The following CCNI variants were observed in gnomAD, a reference collection of about 807,000 sequenced individuals.
CCNI encodes the protein cyclin I, also known as cyclin-I.
In CCNI, 14 loss-of-function variants were observed where a neutral mutation model predicts 34.1. The ratio of observed to expected loss-of-function variants is 0.41; its 90% CI spans 0.27 to 0.64. CCNI has a LOEUF of 0.64. Among genes scored for constraint, CCNI ranks in the 30% least tolerant of loss-of-function variants. The pLI, the probability that CCNI is intolerant of heterozygous loss-of-function variation, is 0.31. For synonymous variants in CCNI, 154 were observed against 158.4 expected, an observed-to-expected ratio of 0.97 and a Z score of 0.21; for missense variants, 385 against 440.5, an observed-to-expected ratio of 0.87 and a Z score of 1.13.
chr4:77,054,040 G>C (rs376818314), intron 6 of CCNI, among the ~76,000 whole-genome samples: 1 of 152,060 alleles, frequency 6.6e-6, no homozygotes, highest in Non-Finnish European at 1.5e-5. Flanking sequence ...TTTATGAAAA[G>C]ACTGAGCTCC....
In CCNI at chr4:77,048,475, T is replaced by C; in HGVS notation, c.878A>G (p.Asn293Ser). The change falls in exon 7 of 7, where the codon AAC (asparagine) becomes AGC (serine). Residue 293 changes from asparagine to serine, a missense_variant. Asn to Ser is a conservative substitution (Grantham distance 46). Around this residue, in one of 2 missense-constraint regions of CCNI, gnomAD observed 250 missense variants for 248.7 expected, o/e 1.01. Transcript: ENST00000237654. ...TCTGACTGGCACTTCTGGCTTGCTGTTGTCCTTGGAGAAGTCTGGGCCTGG... is the reference window on the plus strand; with the variant it reads ...TCTGACTGGCACTTCTGGCTTGCTGCTGTCCTTGGAGAAGTCTGGGCCTGG... The part of the protein sequence containing the change: ...SVPGPDFSKD[N>S]SKPEVPVRGT... 1 of 1,614,152 alleles carries C rather than the reference T, an allele frequency of 6.2e-7. No homozygotes were observed. Among genetic ancestry groups the C allele is most frequent in the Non-Finnish European group, 8.5e-7 (1 of 1,179,998 alleles).
intron 1 of CCNI, among the ~76,000 whole-genome samples, chr4:77,072,229 T>C (rs1729518126): frequency 6.6e-6 from 1 of 151,798 alleles, no homozygotes; most frequent in Admixed American, 6.6e-5. Context: ...CGCAATACAT[T>C]ATCAATAGTA....
chr4:77,063,580 A>C (rs1051506868), intron 2 of CCNI, among the ~76,000 whole-genome samples: 1 of 151,496 alleles, frequency 6.6e-6, no homozygotes, highest in Non-Finnish European at 1.5e-5. Flanking sequence ...GTCCCAGCTA[A>C]TGGGGAGGCT....
chr4:77,073,965 T>C (rs1179091382), intron 1 of CCNI, among the ~76,000 whole-genome samples: 2 of 152,024 alleles, frequency 1.3e-5, no homozygotes, highest in African/African-American at 4.8e-5. Flanking sequence ...CATGTAATGT[T>C]CCCACAATTT....
At chr4:77,062,129 C>CTA (rs4252846) in intron 2 of CCNI, among the ~76,000 whole-genome samples, 73,046 of 151,802 alleles carry the variant, frequency 0.48, 19,074 homozygotes, top group African/African-American at 0.68. Context: ...ACTCCCTTCT[C>CTA]TCTCACCTGC....
rs1056269430 is a variant in CCNI at position 77,048,410 on chromosome 4, C to T, written c.943G>A (p.Gly315Arg). 5 of 1,613,982 alleles carry T rather than the reference C, an allele frequency of 3.1e-6. No homozygotes were observed. In the African/African-American group the frequency reaches 5.3e-5, roughly 17 times the overall value. The change falls in exon 7 of 7, where the codon GGG (glycine) becomes AGG (arginine). Residue 315 changes from glycine (G) to arginine (R), a missense_variant. By Grantham distance (125) the Gly-to-Arg change is moderately radical. Around this residue, in one of 2 missense-constraint regions of CCNI, gnomAD observed 250 missense variants for 248.7 expected, o/e 1.01. Transcript: ENST00000237654. ...CGTTTAGTAGAGGTCTGCTTGCACC[C>T]ACTGGCAGCTGGGAGATGATGGTAA... ...AFYHHLPAAS[G>R]CKQTSTKRKV...
intron 2 of CCNI, among the ~76,000 whole-genome samples, chr4:77,063,342 G>GGT (rs1450915161): frequency 3.2e-5 from 3 of 94,860 alleles, no homozygotes; most frequent in Non-Finnish European, 2.0e-5. Flanking sequence ...TGGAAAGGGA[G>GGT]GTAAAAAAAA....
intron 4 of CCNI, 25 bp downstream of exon 4, chr4:77,056,224 A>G: frequency 6.2e-7 from 1 of 1,604,176 alleles, no homozygotes. Flanking sequence ...CACGGAAGAA[A>G]CATTATCTTG....
At chr4:77,064,156 TC>T (rs1728837264) in intron 2 of CCNI, among the ~76,000 whole-genome samples, 1 of 151,086 alleles carries the variant, frequency 6.6e-6, no homozygotes, top group Admixed American at 6.6e-5. Context: ...GGCAAGAGAA[TC>T]ACTTGAGCCC....
chr4:77,075,233 G>C (rs541506848), intron 1 of CCNI: 1 of 152,388 alleles, frequency 6.6e-6, no homozygotes, highest in South Asian at 2.1e-4. Context: ...GGCCCGAAAA[G>C]GAACACAGTA....
rs1025917794 is a variant in CCNI at position 77,059,769 on chromosome 4, G to C, written c.115-1134C>G. 2.6e-5 allele frequency among the ~76,000 whole-genome samples: 4 copies of C among 152,022 alleles called. No individual in the cohort carries two copies. The East Asian group carries it at 7.7e-4, about 29-fold the overall frequency. ...CAGGCTACTTTAAGATCTAGTTCTGGACTAAGGATCCATAAAAATCCCTGA... is the reference window on the plus strand; with the variant it reads ...CAGGCTACTTTAAGATCTAGTTCTGCACTAAGGATCCATAAAAATCCCTGA... On this transcript the variant is annotated intron_variant, in intron 2 of 6. Coordinates refer to ENST00000237654, the MANE Select transcript of CCNI (RefSeq NM_006835.3).
chr4:77,048,306 A>G lies in CCNI; in HGVS notation c.1047T>C (p.Asn349=). 2 of 1,613,882 alleles carry G rather than the reference A, an allele frequency of 1.2e-6. No homozygotes were observed. Among genetic ancestry groups the G allele is most frequent in the Non-Finnish European group, 1.7e-6 (2 of 1,179,940 alleles). Residue 349 remains asparagine, a synonymous_variant, in exon 7 of 7, where the codon AAT becomes AAC. Transcript: ENST00000237654. ...AATCAGTGCCACACACAGAACCCAC[A>G]TTTTCTGAGACATTATCTTCATTAT... is the stretch of plus-strand genomic sequence containing the variant. ...RLYNEDNVSE[N]VGSVCGTDLS... is the part of the protein sequence containing the mutation.
At chr4:77,060,709 C>T (rs531705680) in intron 2 of CCNI, among the ~76,000 whole-genome samples, 9 of 152,026 alleles carry the variant, frequency 5.9e-5, no homozygotes, top group Non-Finnish European at 1.0e-4. Context: ...CTGCAGCCTC[C>T]GCCTCCTAGG....
At chr4:77,075,392 G>T in intron 1 of CCNI, 80 bp downstream of exon 1, 1 of 479,756 alleles carries the variant, frequency 2.1e-6, no homozygotes, top group Non-Finnish European at 2.7e-6. Context: ...GGGGCGGCGC[G>T]GGGGGAGCAG....
intron 2 of CCNI, among the ~76,000 whole-genome samples, chr4:77,061,257 A>G (rs979192164): frequency 3.3e-5 from 5 of 152,244 alleles, no homozygotes; most frequent in African/African-American, 1.2e-4. Flanking sequence ...CTAAACAGTA[A>G]TATCATCATG....
intron 6 of CCNI, among the ~76,000 whole-genome samples, chr4:77,049,204 T>C (rs1727674220): frequency 1.3e-5 from 2 of 152,064 alleles, no homozygotes; most frequent in African/African-American, 2.4e-5. Context: ...TTGTAGAAAA[T>C]AGTAGACTTA....
chr4:77,074,558 A>C (rs1218027081), intron 1 of CCNI, among the ~76,000 whole-genome samples: 1 of 152,148 alleles, frequency 6.6e-6, no homozygotes, highest in Admixed American at 6.5e-5. Flanking sequence ...AATCTTGTGG[A>C]GTCTCAGTTT....
chr4:77,051,728 A>G (rs953412689), intron 6 of CCNI, among the ~76,000 whole-genome samples: 1 of 152,222 alleles, frequency 6.6e-6, no homozygotes, highest in African/African-American at 2.4e-5. Flanking sequence ...TCGACACCAG[A>G]CAAGTACTCT....
At chr4:77,055,072 C>G (rs1728117564) in intron 6 of CCNI, 78 bp downstream of exon 6, 1 of 887,442 alleles carries the variant, frequency 1.1e-6, no homozygotes, top group African/African-American at 1.7e-5. Flanking sequence ...TGAGAAATGT[C>G]TTTTAGTTTG....
Sources: allele counts gnomAD v4.1 joint callset (sites outside exome capture counted in the v4.1 genomes callset), GRCh38; gene constraint gnomAD v4.1.1; regional missense constraint gnomAD v4.1.1; transcripts MANE v1.5; gene names NCBI Gene and HGNC (gene_info 2026-07-23, HGNC 2026-07-21).